Variants in SHF observed in about 807,000 individuals in gnomAD.
The protein encoded by SHF is Src homology 2 domain containing F, also known as SH2 domain-containing adapter protein F.
A neutral mutation model predicts 42.4 loss-of-function variants in SHF; 30 were observed. That is an observed-to-expected ratio of 0.71 (90% CI 0.53 to 0.96). SHF has a LOEUF of 0.96. SHF is among the 40% of genes least tolerant of loss of function. The pLI, the probability that SHF is intolerant of heterozygous loss-of-function variation, is 0.00. For synonymous variants in SHF, 264 were observed against 269.9 expected, an observed-to-expected ratio of 0.98 and a Z score of 0.21; for missense variants, 598 against 634.0, an observed-to-expected ratio of 0.94 and a Z score of 0.61.
At chr15:45,198,669 G>C in intron 2 of SHF, 4 of 1,452,658 alleles carry the variant, frequency 2.8e-6, no homozygotes, top group Non-Finnish European at 3.7e-6. Context: ...ACCACTATAC[G>C]ATCACGGCGA....
upstream of SHF, among the ~76,000 whole-genome samples, chr15:45,189,543 C>A (rs191268840): frequency 2.8e-3 from 433 of 152,054 alleles, 1 homozygote; most frequent in Middle Eastern, 0.014. Flanking sequence ...CGTGCGCCAC[C>A]ACACCTGGTT....
At chr15:45,174,936 C>T (rs1897717603) in intron 3 of SHF, among the ~76,000 whole-genome samples, 1 of 152,102 alleles carries the variant, frequency 6.6e-6, no homozygotes, top group South Asian at 2.1e-4. Context: ...TTTAAATATA[C>T]CCAGTCCCCA....
intron 2 of SHF, among the ~76,000 whole-genome samples, chr15:45,176,792 A>G (rs1437876399): frequency 6.6e-6 from 1 of 152,232 alleles, no homozygotes; most frequent in Non-Finnish European, 1.5e-5. Flanking sequence ...ATATTTTCAC[A>G]TATAATTTCA....
At chr15:45,198,933 G>A in exon 2 of SHF, 1 of 1,613,876 alleles carries the variant, frequency 6.2e-7, no homozygotes, top group Non-Finnish European at 8.5e-7. Flanking sequence ...GACGGCGTGA[G>A]CATCCAGGAA....
At chr15:45,199,079 C>T (rs923363788) in exon 2 of SHF, 23 of 1,567,612 alleles carry the variant, frequency 1.5e-5, no homozygotes, top group Non-Finnish European at 1.9e-5. Context: ...CTGCATCCTC[C>T]AGCGGTGACC....
intron 2 of SHF, among the ~76,000 whole-genome samples, chr15:45,194,510 C>T (rs371213928): frequency 6.6e-6 from 1 of 152,022 alleles, no homozygotes; most frequent in Non-Finnish European, 1.5e-5. Flanking sequence ...TGCCACCACA[C>T]CCAGCTAATT....
chr15:45,187,940 G>T lies in SHF; in HGVS notation c.12C>A (p.Ser4Arg), dbSNP rs1193580914. The change falls in exon 1 of 7, where the codon AGC (serine) becomes AGA (arginine). Residue 4 changes from serine to arginine, a missense_variant. Ser to Arg is a moderately radical substitution (Grantham distance 110). Around this residue, in one of 2 missense-constraint regions of SHF, gnomAD observed 159 missense variants for 109.3 expected, o/e 1.45. Transcript: ENST00000690270. The part of the protein sequence containing the change: MLL[S>R]GAPPAGSRPG... ...GGCGGGAGCCAGCCGGAGGAGCTCCGCTCAGTAACATGGGGCCAGCCAGAC... is the reference window on the plus strand; with the variant it reads ...GGCGGGAGCCAGCCGGAGGAGCTCCTCTCAGTAACATGGGGCCAGCCAGAC... 1.7e-6 allele frequency: 2 copies of T among 1,167,274 alleles called. No individual in the cohort carries two copies. Among genetic ancestry groups the T allele is most frequent in the Non-Finnish European group, 1.1e-6 (1 of 947,160 alleles). The allele number at this position is 1,167,274 out of a possible 1,614,324, so 72.3% of individuals were successfully genotyped here. A position where few individuals can be genotyped will look rare whatever the true frequency, so the allele number is the denominator to read the frequency against.
upstream of SHF, among the ~76,000 whole-genome samples, chr15:45,188,708 T>A (rs1898603169): frequency 6.6e-6 from 1 of 152,222 alleles, no homozygotes; most frequent in Admixed American, 6.5e-5. Flanking sequence ...GCCCTGACGA[T>A]AGCATGCGCA....
rs956703857 is a variant in SHF at position 45,167,874 on chromosome 15, A to G, written c.*73T>C. ...GGTTTGAAAGATCACGTCCCTGGCAAGAGCCACAGCCCTCAGCCAGGTGAT... is the reference window on the plus strand; with the variant it reads ...GGTTTGAAAGATCACGTCCCTGGCAGGAGCCACAGCCCTCAGCCAGGTGAT... On this transcript the variant is annotated 3_prime_UTR_variant, in exon 7 of 7. Transcript: ENST00000690270. 4.5e-6 allele frequency: 6 copies of G among 1,344,052 alleles called. No homozygotes were observed. In the African/African-American group the frequency reaches 7.4e-5, roughly 17 times the overall value. 83.3% of individuals were successfully genotyped at this position (1,344,052 alleles called of 1,614,324 possible).
chr15:45,177,339 G>A (rs1340240721), intron 2 of SHF, among the ~76,000 whole-genome samples: 1 of 152,158 alleles, frequency 6.6e-6, no homozygotes, highest in Non-Finnish European at 1.5e-5. Context: ...TAATTCTGTG[G>A]TGAAGTATTA....
At chr15:45,199,085 T>G (rs1898978829) in exon 2 of SHF, 1 of 1,562,036 alleles carries the variant, frequency 6.4e-7, no homozygotes, top group Non-Finnish European at 8.7e-7. Flanking sequence ...CCTCCAGCGG[T>G]GACCCAATGC....
Position 45,172,019 on chromosome 15 carries a change from G to C in SHF, c.1161-17C>G. ...TGATACCAGCTAAGGATGAGAGAGAGGAAGGGGGGCATCTCTGCTGGGTCC... is the reference window on the plus strand; with the variant it reads ...TGATACCAGCTAAGGATGAGAGAGACGAAGGGGGGCATCTCTGCTGGGTCC... On this transcript the variant is annotated splice_polypyrimidine_tract_variant and intron_variant, in intron 5 of 6. Transcript: ENST00000690270. 1 of 1,613,886 alleles carries C rather than the reference G, an allele frequency of 6.2e-7. No individual in the cohort carries two copies. The highest frequency in any genetic ancestry group is 1.7e-5 in the Admixed American group (1 of 60,006).
chr15:45,181,386 T>C (rs1288607793), intron 1 of SHF, among the ~76,000 whole-genome samples: 4 of 152,234 alleles, frequency 2.6e-5, no homozygotes, highest in South Asian at 2.1e-4. Flanking sequence ...ACCCTGGGCA[T>C]AGAAGTTCCT....
At chr15:45,170,031 G>A (rs1897390950) in intron 6 of SHF, among the ~76,000 whole-genome samples, 1 of 152,256 alleles carries the variant, frequency 6.6e-6, no homozygotes, top group African/African-American at 2.4e-5. Context: ...GTCAGCCAGG[G>A]TGGGAGCAGG....
upstream of SHF, among the ~76,000 whole-genome samples, chr15:45,188,328 C>T (rs968274895): frequency 6.6e-6 from 1 of 152,236 alleles, no homozygotes; most frequent in African/African-American, 2.4e-5. Context: ...AGACTCCTGA[C>T]TCTAGGGAGC....
chr15:45,196,044 G>A (rs561613562), intron 2 of SHF, among the ~76,000 whole-genome samples: 12 of 150,638 alleles, frequency 8.0e-5, no homozygotes, highest in South Asian at 4.2e-4. Context: ...ATTAGTTGCC[G>A]ATATTTAAAA....
chr15:45,170,486 G>GA (rs754019757), intron 6 of SHF: 27 of 1,248,816 alleles, frequency 2.2e-5, no homozygotes, highest in South Asian at 1.2e-4. Context: ...ATGACAGCTG[G>GA]AAAAAAAGCG....
At chr15:45,174,979 C>A (rs1452628196) in intron 3 of SHF, among the ~76,000 whole-genome samples, 1 of 152,124 alleles carries the variant, frequency 6.6e-6, no homozygotes, top group Admixed American at 6.5e-5. Context: ...TCTTAGCTTC[C>A]AAGAGGTGGT....
chr15:45,176,698 C>T (rs1417294110), intron 2 of SHF, among the ~76,000 whole-genome samples: 1 of 152,070 alleles, frequency 6.6e-6, no homozygotes, highest in Non-Finnish European at 1.5e-5. Flanking sequence ...TTCTCCAAAG[C>T]TAGTAGTTCT....
Sources: allele counts gnomAD v4.1 joint callset (sites outside exome capture counted in the v4.1 genomes callset), GRCh38; gene constraint gnomAD v4.1.1; regional missense constraint gnomAD v4.1.1; transcripts MANE v1.5; gene names NCBI Gene and HGNC (gene_info 2026-07-23, HGNC 2026-07-21).